Variants in WDR37 observed in about 807,000 individuals in gnomAD.
WDR37 encodes the protein WD repeat domain 37, also known as WD repeat-containing protein 37.
A neutral mutation model predicts 62.9 loss-of-function variants in WDR37; 19 were observed. The ratio of observed to expected loss-of-function variants is 0.30; its 90% CI spans 0.21 to 0.44. WDR37 has a LOEUF of 0.44. Ranked by LOEUF, WDR37 falls within the 20% of genes least tolerant of loss-of-function variation. The pLI, the probability that WDR37 is intolerant of heterozygous loss-of-function variation, is 1.00. For synonymous variants in WDR37, 250 were observed against 260.9 expected, an observed-to-expected ratio of 0.96 and a Z score of 0.40; for missense variants, 474 against 657.6, an observed-to-expected ratio of 0.72 and a Z score of 3.05.
chr10:1,102,521 G>A (rs578162546), intron 9 of WDR37, among the ~76,000 whole-genome samples: 122 of 152,098 alleles, frequency 8.0e-4, no homozygotes, highest in African/African-American at 2.5e-3. Flanking sequence ...GGAGCTTGGA[G>A]CTTTCACTCA....
intron 11 of WDR37, among the ~76,000 whole-genome samples, chr10:1,108,236 A>G (rs1342611565): frequency 1.3e-5 from 2 of 152,222 alleles, no homozygotes; most frequent in Non-Finnish European, 2.9e-5. Context: ...TAGAGCTAGG[A>G]TTTAATCAGG....
rs1307670183 is a variant in WDR37 at position 1,121,679 on chromosome 10, T to G, written c.1104-2539T>G. Among the ~76,000 whole-genome samples the G allele has an allele frequency of 2.0e-5, 3 of 152,136 alleles. No homozygotes were observed. The highest frequency in any genetic ancestry group is 7.2e-5 in the African/African-American group (3 of 41,402). ...CCCCTGGGGAGGGGTCTGCTCTAGT[T>G]TCTAATGTGCCTGGGCAGGGCGGCT... On this transcript the variant is annotated intron_variant, in intron 11 of 13. Coordinates refer to ENST00000263150, the MANE Select transcript of WDR37 (RefSeq NM_014023.4). The surrounding 1 kb of genome is among the most constrained non-coding windows in gnomAD (Gnocchi z 4.5).
intron 2 of WDR37, among the ~76,000 whole-genome samples, chr10:1,073,546 A>C (rs975739316): frequency 5.3e-5 from 8 of 152,240 alleles, no homozygotes; most frequent in African/African-American, 1.9e-4. Flanking sequence ...TGTTCAAAAA[A>C]ATTACAAAAA....
chr10:1,066,063 C>T (rs977414941), intron 1 of WDR37, among the ~76,000 whole-genome samples: 2 of 151,140 alleles, frequency 1.3e-5, no homozygotes, highest in Non-Finnish European at 2.9e-5. Flanking sequence ...ATCATTTAAA[C>T]TTACACAAAA....
chr10:1,127,302 G>C (rs1835820125), intron 13 of WDR37, among the ~76,000 whole-genome samples: 1 of 152,152 alleles, frequency 6.6e-6, no homozygotes, highest in Non-Finnish European at 1.5e-5. Flanking sequence ...TGATGTTGTA[G>C]GATTCTGTTG....
chr10:1,115,823 T>C (rs1835374690), intron 11 of WDR37, among the ~76,000 whole-genome samples: 1 of 152,106 alleles, frequency 6.6e-6, no homozygotes, highest in Non-Finnish European at 1.5e-5. Flanking sequence ...GGTGGTGACT[T>C]TGCAGACAGC....
intron 11 of WDR37, among the ~76,000 whole-genome samples, chr10:1,115,616 C>T (rs1471100590): frequency 6.6e-6 from 1 of 152,224 alleles, no homozygotes. Flanking sequence ...TGCTTGGTCA[C>T]AGTCAGCATG....
intron 13 of WDR37, among the ~76,000 whole-genome samples, chr10:1,127,663 G>T (rs778036830): frequency 6.6e-6 from 1 of 152,250 alleles, no homozygotes; most frequent in Non-Finnish European, 1.5e-5. Context: ...CAGGGTTCCT[G>T]TGAAGAGCAG....
chr10:1,104,994 T>C (rs2131663655), intron 10 of WDR37, 132 bp from the exon 11 acceptor site: 1 of 1,117,952 alleles, frequency 8.9e-7, no homozygotes, highest in East Asian at 2.6e-5. Context: ...ACCCACATGC[T>C]GCTGAGTGAT....
In WDR37 at chr10:1,072,259, G is replaced by A. The variant is rs760789787; in HGVS notation, c.104G>A (p.Arg35Lys). The A allele has an allele frequency of 1.8e-5, 29 of 1,614,178 alleles. No individual in the cohort carries two copies. Among genetic ancestry groups the A allele is most frequent in the Middle Eastern group, 1.6e-4 (1 of 6,062 alleles). The change falls in exon 2 of 14, where the codon AGG (arginine) becomes AAG (lysine). Residue 35 changes from arginine to lysine, a missense_variant. By Grantham distance (26) the Arg-to-Lys change is conservative. Transcript: ENST00000263150. ...AGAACTAACAGCTCGGAGCAGGAGAGGACGGGACTGCCAAGAGACATGTTA... is the reference window on the plus strand; with the variant it reads ...AGAACTAACAGCTCGGAGCAGGAGAAGACGGGACTGCCAAGAGACATGTTA... Reference protein sequence around the residue: ...IRRTNSSEQERTGLPRDMLEG... With the variant: ...IRRTNSSEQEKTGLPRDMLEG...
intron 2 of WDR37, chr10:1,074,501 C>G (rs1473036464): frequency 7.7e-7 from 1 of 1,304,446 alleles, no homozygotes; most frequent in Non-Finnish European, 1.0e-6. Context: ...GACCGGTCAG[C>G]ATGTTCTGTA....
intron 11 of WDR37, among the ~76,000 whole-genome samples, chr10:1,113,123 C>G (rs1435956866): frequency 6.6e-6 from 1 of 152,200 alleles, no homozygotes; most frequent in Non-Finnish European, 1.5e-5. Context: ...TGGTGACTTA[C>G]AGTTGAAGCC....
intron 9 of WDR37, among the ~76,000 whole-genome samples, chr10:1,097,571 C>T (rs955686042): frequency 7.2e-5 from 11 of 152,276 alleles, no homozygotes; most frequent in South Asian, 4.1e-4. Flanking sequence ...TCCTTGGTTT[C>T]GAAGTGTGGG....
At position 1,056,474 on chromosome 10, in the gene WDR37, C is replaced by A. The variant is rs1376412540; in HGVS notation, c.-535C>A. 1 of 152,114 alleles carries A rather than the reference C, an allele frequency of 6.6e-6. No homozygotes were observed. Among genetic ancestry groups the A allele is most frequent in the Non-Finnish European group, 1.5e-5 (1 of 68,036 alleles). The allele number at this position is 152,114 out of a possible 1,614,324, so 9.4% of individuals were successfully genotyped here. ...GCCCTGAGCGCAGGCGGCCCCGGGT[C>A]TCAGGCCTCAGGCGGACCGCGCCCC... is the stretch of plus-strand genomic sequence containing the variant. On this transcript the variant is annotated 5_prime_UTR_variant, in exon 1 of 14. Coordinates refer to ENST00000263150, the MANE Select transcript of WDR37 (RefSeq NM_014023.4).
intron 8 of WDR37, among the ~76,000 whole-genome samples, chr10:1,095,175 A>G (rs1157524061): frequency 2.8e-5 from 4 of 144,500 alleles, no homozygotes; most frequent in African/African-American, 8.0e-5. Flanking sequence ...TGGAGAGGGG[A>G]GAGTTAGACT....
chr10:1,080,794 T>G (rs1197428895), intron 5 of WDR37, among the ~76,000 whole-genome samples: 1 of 151,714 alleles, frequency 6.6e-6, no homozygotes, highest in Non-Finnish European at 1.5e-5. Flanking sequence ...TAATCCCAGC[T>G]ACTTGAGAGG....
intron 11 of WDR37, among the ~76,000 whole-genome samples, chr10:1,113,376 T>A (rs1166471614): frequency 1.3e-5 from 2 of 152,216 alleles, no homozygotes; most frequent in East Asian, 3.8e-4. Flanking sequence ...AGGAGATGAA[T>A]GGTGTTTTCA....
Position 1,105,411 on chromosome 10 carries a change from T to A in WDR37, c.1103+144T>A. On this transcript the variant is annotated intron_variant, in intron 11 of 13. Coordinates refer to ENST00000263150, the MANE Select transcript of WDR37 (RefSeq NM_014023.4). This position sits in a 1 kb window ranked among gnomAD's most constrained non-coding sequence, Gnocchi z 5.3. ...ATAACTACCTTTCAAATTCTGCTAT[T>A]CTTTTTCTAAACATTTAGCTCCATT... 1.7e-6 allele frequency: 2 copies of A among 1,156,742 alleles called. No individual in the cohort carries two copies. The highest frequency in any genetic ancestry group is 3.1e-5 in the African/African-American group (2 of 64,306). 71.7% of individuals were successfully genotyped at this position (1,156,742 alleles called of 1,614,324 possible).
intron 9 of WDR37, among the ~76,000 whole-genome samples, chr10:1,100,950 G>A (rs925245260): frequency 2.0e-5 from 3 of 152,202 alleles, no homozygotes; most frequent in African/African-American, 4.8e-5. Context: ...TGAACTTGCT[G>A]TCTCTGGGTG....
Sources: gnomAD v4.1 joint callset for allele counts (sites outside exome capture counted in the v4.1 genomes callset) on GRCh38, gnomAD v4.1.1 for gene constraint, Gnocchi (gnomAD v3.1) non-coding constraint, MANE v1.5 for transcripts, NCBI Gene and HGNC (gene_info 2026-07-23, HGNC 2026-07-21) for gene names.